WWOX: variants seen among roughly 807,000 people sequenced by gnomAD.
WWOX encodes the protein WW domain-containing oxidoreductase.
Under a neutral mutation model 46.2 loss-of-function variants are expected in WWOX, and 69 were observed. The ratio of observed to expected loss-of-function variants is 1.49; its 90% confidence interval spans 1.23 to 1.82. The LOEUF is 1.82. WWOX is among the 40% of genes most tolerant of loss of function. The pLI, the probability that WWOX is intolerant of heterozygous loss-of-function variation, is 0.00. For synonymous variants in WWOX, 359 were observed against 202.6 expected (o/e 1.77, Z -6.56); for missense variants, 919 against 542.6 (o/e 1.69, Z -6.89).
intron 8 of WWOX, among the ~76,000 whole-genome samples, chr16:79,044,067 C>G (rs898942655): frequency 2.0e-5 from 3 of 152,140 alleles, no homozygotes; most frequent in Non-Finnish European, 4.4e-5. Flanking sequence ...ACCCGGTGGC[C>G]TGAGAGTCAC....
intron 5 of WWOX, among the ~76,000 whole-genome samples, chr16:78,227,310 A>T (rs755672118): frequency 6.6e-6 from 1 of 152,182 alleles, no homozygotes; most frequent in African/African-American, 2.4e-5. Flanking sequence ...TTCTGAGCCA[A>T]GGCTTTATTT....
At chr16:78,682,159 A>C (rs373267738) in intron 8 of WWOX, among the ~76,000 whole-genome samples, 1 of 152,268 alleles carries the variant, frequency 6.6e-6, no homozygotes, top group African/African-American at 2.4e-5. Flanking sequence ...ATTTTTACTA[A>C]TTATTTTTTA....
chr16:79,143,608 T>C lies in WWOX; in HGVS notation c.1057-68000T>C, dbSNP rs2050131217. Among the ~76,000 whole-genome samples, 6 of 152,336 alleles carry C rather than the reference T, an allele frequency of 3.9e-5. No individual in the cohort carries two copies. In the South Asian group the frequency reaches 1.2e-3, roughly 32 times the overall value. The stretch of plus-strand genomic sequence containing the variant: ...GTTTTAGGGATGATAAAAATTATGA[T>C]AATAATATTGACAATAAATAGAGTA... On this transcript the variant is annotated intron_variant, in intron 8 of 8. Coordinates refer to ENST00000566780, the MANE Select transcript of WWOX (RefSeq NM_016373.4).
chr16:78,619,413 G>T (rs2151641612), intron 8 of WWOX, among the ~76,000 whole-genome samples: 1 of 144,606 alleles, frequency 6.9e-6, no homozygotes, highest in African/African-American at 2.5e-5. Context: ...CACACTCCAG[G>T]TGTATATCTC....
At chr16:78,575,022 A>AATATATATAT (rs1215227335) in intron 8 of WWOX, among the ~76,000 whole-genome samples, 1 of 13,998 alleles carries the variant, frequency 7.1e-5, no homozygotes. Context: ...TATATATATA[A>AATATATATAT]ATATATATAT....
chr16:79,098,524 A>G (rs1258983595), intron 8 of WWOX, among the ~76,000 whole-genome samples: 1 of 152,240 alleles, frequency 6.6e-6, no homozygotes, highest in African/African-American at 2.4e-5. Context: ...TGATGGTTGC[A>G]TTTCAATGGA....
intron 5 of WWOX, among the ~76,000 whole-genome samples, chr16:78,197,478 G>T (rs1465616101): frequency 6.6e-6 from 1 of 151,908 alleles, no homozygotes; most frequent in African/African-American, 2.4e-5. Flanking sequence ...AATGTCTTTG[G>T]GATTAAAAAT....
chr16:78,316,384 G>C (rs934173134), intron 5 of WWOX, among the ~76,000 whole-genome samples: 6 of 152,208 alleles, frequency 3.9e-5, no homozygotes, highest in African/African-American at 1.4e-4. Context: ...CTTGTCACCT[G>C]GGCTGGGGTG....
intron 8 of WWOX, among the ~76,000 whole-genome samples, chr16:79,062,685 A>G (rs2048376611): frequency 6.6e-6 from 1 of 152,086 alleles, no homozygotes; most frequent in South Asian, 2.1e-4. Context: ...TTCCTTTCCT[A>G]TTTCCCTTGC....
chr16:78,533,183 G>A (rs2043665832), intron 8 of WWOX, among the ~76,000 whole-genome samples: 1 of 152,146 alleles, frequency 6.6e-6, no homozygotes, highest in Non-Finnish European at 1.5e-5. Flanking sequence ...TATCTTTACA[G>A]GTCAGCCAGT....
intron 5 of WWOX, among the ~76,000 whole-genome samples, chr16:78,194,729 C>A (rs560740224): frequency 6.6e-6 from 1 of 152,056 alleles, no homozygotes; most frequent in Admixed American, 6.5e-5. Context: ...CAACCCCAAA[C>A]CCCTACCCTT....
At chr16:78,265,636 C>G (rs146777315) in intron 5 of WWOX, among the ~76,000 whole-genome samples, 2,008 of 150,990 alleles carry the variant, frequency 0.013, 52 homozygotes, top group African/African-American at 0.047. Context: ...TGAGATTGTG[C>G]CGTTGCACTC....
chr16:78,659,657 G>C (rs1027406715), intron 8 of WWOX, among the ~76,000 whole-genome samples: 1 of 152,180 alleles, frequency 6.6e-6, no homozygotes, highest in African/African-American at 2.4e-5. Flanking sequence ...GAGTTCAGGA[G>C]AGTTGTGTTT....
chr16:78,801,213 C>G (rs777510192), intron 8 of WWOX, among the ~76,000 whole-genome samples: 42 of 151,870 alleles, frequency 2.8e-4, no homozygotes, highest in Non-Finnish European at 5.7e-4. Context: ...AAACAAACAC[C>G]ACTCACCATT....
At chr16:79,037,653 C>A (rs1240985820) in intron 8 of WWOX, among the ~76,000 whole-genome samples, 1 of 152,190 alleles carries the variant, frequency 6.6e-6, no homozygotes, top group African/African-American at 2.4e-5. Flanking sequence ...CAACCTCCTG[C>A]AACCTTAGTT....
At chr16:78,947,189 A>G (rs1159149800) in intron 8 of WWOX, among the ~76,000 whole-genome samples, 1 of 152,104 alleles carries the variant, frequency 6.6e-6, no homozygotes, top group Non-Finnish European at 1.5e-5. Context: ...AAAACCCCAT[A>G]ACAATGAAAT....
At chr16:78,892,273 C>T (rs945363794) in intron 8 of WWOX, 1 of 152,068 alleles carries the variant, frequency 6.6e-6, no homozygotes, top group Non-Finnish European at 1.5e-5. Context: ...AAGAGGTACT[C>T]GATGAACCAC....
chr16:78,455,644 A>AG (rs2083798711), intron 8 of WWOX, among the ~76,000 whole-genome samples: 4 of 14,382 alleles, frequency 2.8e-4, no homozygotes, highest in African/African-American at 1.0e-3. Flanking sequence ...ACTCTGTCTC[A>AG]AAAAAAAAAA....
chr16:78,576,838 A>G (rs544382158), intron 8 of WWOX, among the ~76,000 whole-genome samples: 52 of 152,314 alleles, frequency 3.4e-4, no homozygotes, highest in Non-Finnish European at 8.8e-5. Flanking sequence ...CCCTTAAAAT[A>G]AATGCTGCCT....
Sources: gnomAD v4.1 joint callset for allele counts (sites outside exome capture counted in the v4.1 genomes callset) on GRCh38, gnomAD v4.1.1 for gene constraint, MANE v1.5 for transcripts, NCBI Gene and HGNC (gene_info 2026-07-23, HGNC 2026-07-21) for gene names.